RAN: variants seen among roughly 807,000 people sequenced by gnomAD.
The protein encoded by RAN is RAN, member RAS oncogene family, also known as GTP-binding nuclear protein Ran.
Under a neutral mutation model 26.8 loss-of-function variants are expected in RAN, and 2 were observed. The observed-to-expected ratio is 0.07, with a 90% confidence interval of 0.03 to 0.23. The LOEUF (loss-of-function observed/expected upper bound fraction) is 0.23. Ranked by LOEUF, RAN falls within the 10% of genes least tolerant of loss-of-function variation. The pLI is 1.00. For synonymous variants in RAN, 132 were observed against 95.9 expected, an observed-to-expected ratio of 1.38 and a Z score of -2.20; for missense variants, 56 against 264.8, an observed-to-expected ratio of 0.21 and a Z score of 5.47.
rs1034228565 is a variant in RAN at position 130,876,297 on chromosome 12, C to T, written c.*371C>T. The T allele has an allele frequency of 9.3e-5, 18 of 192,634 alleles. No individual in the cohort carries two copies. The highest frequency in any genetic ancestry group is 4.0e-4 in the African/African-American group (17 of 42,710). The allele number at this position is 192,634 out of a possible 1,614,324, so 11.9% of individuals were successfully genotyped here. The stretch of plus-strand genomic sequence containing the variant: ...AAATATCTAAGCAAGTGAACTCATC[C>T]CTTGTTTATAAATAGCATTTGGAAA... On this transcript the variant is annotated 3_prime_UTR_variant, in exon 7 of 7. Coordinates refer to ENST00000543796, the MANE Select transcript of RAN (RefSeq NM_006325.5).
Position 130,876,120 on chromosome 12 carries a change from C to T in RAN, c.*194C>T, listed in dbSNP as rs1198272430. ...TTAAAAAATAACTTCATTGTTTGGA[C>T]CTGCATATTTAGCTGTTTTGGAACG... On this transcript the variant is annotated 3_prime_UTR_variant, in exon 7 of 7. Transcript: ENST00000543796. 2 of 622,220 alleles carry T rather than the reference C, an allele frequency of 3.2e-6. No individual in the cohort carries two copies. Among genetic ancestry groups the T allele is most frequent in the African/African-American group, 3.7e-5 (2 of 54,294 alleles). The allele number at this position is 622,220 out of a possible 1,614,324, so 38.5% of individuals were successfully genotyped here.
intron 4 of RAN, 108 bp from the exon 5 acceptor site, chr12:130,874,438 C>T (rs1953200375): frequency 3.8e-6 from 3 of 798,268 alleles, no homozygotes; most frequent in South Asian, 2.0e-5. Context: ...ATACAGGTGA[C>T]TCGTTGAGGT....
At chr12:130,875,584 A>G in intron 5 of RAN, 28 bp from the exon 6 acceptor site, 3 of 1,521,262 alleles carry the variant, frequency 2.0e-6, no homozygotes, top group South Asian at 1.3e-5. Flanking sequence ...TGAATTTTAA[A>G]AAGTAATTTT....
At chr12:130,872,680 C>G (rs910255496) in intron 2 of RAN, 51 bp downstream of exon 2, 48 of 1,529,468 alleles carry the variant, frequency 3.1e-5, no homozygotes, top group Non-Finnish European at 4.1e-5. Context: ...GCGTGCGACT[C>G]GCGGGTCCCT....
In RAN at chr12:130,872,989, C is replaced by G; in HGVS notation, c.122-14C>G. 6.2e-7 allele frequency: 1 copy of G among 1,614,188 alleles called. No homozygotes were observed. Among genetic ancestry groups the G allele is most frequent in the Non-Finnish European group, 8.5e-7 (1 of 1,180,034 alleles). ...GGTAAGTTCATCCACTCAATCGCAT[C>G]GTTTCCGTTTCAGCCACCTTGGGTG... On this transcript the variant is annotated splice_polypyrimidine_tract_variant and intron_variant, in intron 3 of 6. Transcript: ENST00000543796.
At chr12:130,873,934 G>T in intron 4 of RAN, 1 of 232,260 alleles carries the variant, frequency 4.3e-6, no homozygotes, top group Non-Finnish European at 9.1e-6. Context: ...TGCAGCTTCC[G>T]CCTCCTAAGC....
rs779941535 is a variant in RAN, at chr12:130,873,902, C to T, written c.248-644C>T. The T allele has an allele frequency of 1.5e-4, 28 of 188,108 alleles. 1 individual carries two copies. Among genetic ancestry groups the T allele is most frequent in the Admixed American group, 5.6e-4 (10 of 17,870 alleles). The allele number at this position is 188,108 out of a possible 1,614,324, so 11.7% of individuals were successfully genotyped here. A position where few individuals can be genotyped will look rare whatever the true frequency, so the allele number is the denominator to read the frequency against. On this transcript the variant is annotated intron_variant, in intron 4 of 6. Transcript: ENST00000543796. ...TTAATTTTTTTTTGAGACAGGGTTT[C>T]GCTCTGTTGCCCAACCTGGAGTGCA...
intron 4 of RAN, chr12:130,873,397 G>A: frequency 5.5e-6 from 2 of 365,088 alleles, no homozygotes; most frequent in South Asian, 5.5e-5. Context: ...ACAATAATAG[G>A]CTGTTAACAG....
At chr12:130,875,475 C>T (rs901425652) in intron 5 of RAN, 137 bp from the exon 6 acceptor site, 18 of 808,858 alleles carry the variant, frequency 2.2e-5, no homozygotes, top group Admixed American at 5.9e-5. Context: ...CCTCAGCCCC[C>T]GAAAGTGCTG....
Position 130,875,780 on chromosome 12 carries a change from G to C in RAN, c.604G>C (p.Glu202Gln). The change falls in exon 6 of 7, where the codon GAG becomes CAG. Residue 202 changes from glutamate (E) to glutamine (Q), a missense_variant and splice_region_variant. By Grantham distance (29) the Glu-to-Gln change is conservative. Around this residue, in one of 2 missense-constraint regions of RAN, gnomAD observed 39 missense variants for 248.7 expected, o/e 0.16. Transcript: ENST00000543796. The part of the protein sequence containing the change: ...ALAAQYEHDL[E>Q]VAQTTALPDE... ...GGCAGCACAGTATGAGCACGACTTA[G>C]AGGTATTGTGGCCACTTTGCTGTTC... The C allele has an allele frequency of 6.2e-7, 1 of 1,614,122 alleles. No homozygotes were observed. The highest frequency in any genetic ancestry group is 8.5e-7 in the Non-Finnish European group (1 of 1,179,994).
intron 1 of RAN, 65 bp from the exon 2 acceptor site, chr12:130,872,519 G>C (rs777224115): frequency 8.2e-7 from 1 of 1,222,042 alleles, no homozygotes; most frequent in Non-Finnish European, 1.0e-6. Context: ...CTGGGGGCGC[G>C]GGAGCGGGGC....
rs1274774676 is a variant in RAN, at chr12:130,876,925, T to A, written c.*999T>A. On this transcript the variant is annotated 3_prime_UTR_variant, in exon 7 of 7. Transcript: ENST00000543796. The stretch of plus-strand genomic sequence containing the variant: ...TCACACTACACCGTTTTTTTGTTTT[T>A]TTTTCCCCCCCGGGAGGGTTTTTTT... 2 of 152,160 alleles carry A rather than the reference T, an allele frequency of 1.3e-5. No individual in the cohort carries two copies. The highest frequency in any genetic ancestry group is 2.9e-5 in the Non-Finnish European group (2 of 68,044). The allele number at this position is 152,160 out of a possible 1,614,324, so 9.4% of individuals were successfully genotyped here.
chr12:130,875,442 A>G (rs969367148), intron 5 of RAN, among the ~76,000 whole-genome samples, 170 bp from the exon 6 acceptor site: 5 of 150,986 alleles, frequency 3.3e-5, no homozygotes, highest in Admixed American at 2.6e-4. Flanking sequence ...CTGATCGTGT[A>G]CTATTGGCCT....
chr12:130,873,599 C>T (rs1226034687), intron 4 of RAN: 1 of 161,672 alleles, frequency 6.2e-6, no homozygotes, highest in Non-Finnish European at 1.4e-5. Context: ...GAGTATTTTT[C>T]TCAAATAGTT....
rs1953227135 is a variant in RAN at position 130,875,739 on chromosome 12, T to C, written c.563T>C (p.Val188Ala). ...AMPALAPPEV[V>A]MDPALAAQYE... Reference sequence around the variant, plus strand: ...CCTGCTCTCGCCCCACCAGAAGTTGTCATGGACCCAGCTTTGGCAGCACAG... The same window carrying C: ...CCTGCTCTCGCCCCACCAGAAGTTGCCATGGACCCAGCTTTGGCAGCACAG... The change falls in exon 6 of 7, where the codon GTC becomes GCC. Residue 188 changes from valine (V) to alanine (A), a missense_variant. Physicochemically the swap from Val to Ala is moderately conservative, Grantham distance 64. Transcript: ENST00000543796. 6.2e-7 allele frequency: 1 copy of C among 1,614,026 alleles called. No individual in the cohort carries two copies. The highest frequency in any genetic ancestry group is 1.3e-5 in the African/African-American group (1 of 74,924).
rs927207471 is a variant in RAN at position 130,876,017 on chromosome 12, T to C, written c.*91T>C. The C allele has an allele frequency of 5.2e-5, 69 of 1,331,212 alleles. No homozygotes were observed. The highest frequency in any genetic ancestry group is 6.8e-5 in the Non-Finnish European group (63 of 931,768). 82.5% of individuals were successfully genotyped at this position (1,331,212 alleles called of 1,614,324 possible). A position where few individuals can be genotyped will look rare whatever the true frequency, so the allele number is the denominator to read the frequency against. On this transcript the variant is annotated 3_prime_UTR_variant, in exon 7 of 7. Transcript: ENST00000543796. The stretch of plus-strand genomic sequence containing the variant: ...TGCAGCGTGTGTGCCACCTCATTAT[T>C]ATCTAGCTAAGCGGAACATGTGCTT...
chr12:130,873,221 G>A, intron 4 of RAN, 93 bp downstream of exon 4: 1 of 1,521,608 alleles, frequency 6.6e-7, no homozygotes, highest in Non-Finnish European at 8.9e-7. Flanking sequence ...CCAACAAATA[G>A]TGTCATTTTT....
chr12:130,874,270 C>T (rs1191375035), intron 4 of RAN: 4 of 359,778 alleles, frequency 1.1e-5, no homozygotes, highest in African/African-American at 8.4e-5. Context: ...TCCAGAATCT[C>T]ATTTAGCATT....
intron 2 of RAN, 54 bp from the exon 3 acceptor site, chr12:130,872,782 G>A (rs573928827): frequency 1.3e-6 from 2 of 1,599,056 alleles, no homozygotes. Flanking sequence ...GTGACTCTGG[G>A]ATCTTGAGAG....
Sources: gnomAD v4.1 joint callset for allele counts (sites outside exome capture counted in the v4.1 genomes callset) on GRCh38, gnomAD v4.1.1 for gene constraint, gnomAD v4.1.1 regional missense constraint, MANE v1.5 for transcripts, NCBI Gene and HGNC (gene_info 2026-07-23, HGNC 2026-07-21) for gene names.